DSCAM: variants seen among roughly 807,000 people sequenced by gnomAD.
DSCAM encodes DS cell adhesion molecule.
A neutral mutation model predicts 217.7 loss-of-function variants in DSCAM; 47 were observed. The ratio of observed to expected loss-of-function variants is 0.22; its 90% CI spans 0.17 to 0.28. DSCAM has a LOEUF of 0.28. Among genes scored for constraint, DSCAM ranks in the 10% least tolerant of loss-of-function variants. The pLI is 1.00. For synonymous variants in DSCAM, 1,056 were observed against 1,015.3 expected, an observed-to-expected ratio of 1.04 and a Z score of -0.76; for missense variants, 2,080 against 2,618.3, an observed-to-expected ratio of 0.79 and a Z score of 4.49.
chr21:40,533,745 C>A (rs1192035122), intron 3 of DSCAM, among the ~76,000 whole-genome samples: 2 of 143,782 alleles, frequency 1.4e-5, no homozygotes, highest in Admixed American at 1.4e-4. Flanking sequence ...ATCCATCCAT[C>A]CACCCATCCA....
chr21:40,619,843 GAAAAA>G (rs35632591), intron 3 of DSCAM, among the ~76,000 whole-genome samples: 1 of 129,796 alleles, frequency 7.7e-6, no homozygotes, highest in African/African-American at 2.8e-5. Context: ...AGCATGTAAA[GAAAAA>G]AAAAAAAGCT....
At chr21:40,060,464 G>C (rs1243107219) in intron 28 of DSCAM, among the ~76,000 whole-genome samples, 1 of 152,174 alleles carries the variant, frequency 6.6e-6, no homozygotes, top group African/African-American at 2.4e-5. Flanking sequence ...AGTAGATAGG[G>C]GAGGGGGCCA....
intron 1 of DSCAM, among the ~76,000 whole-genome samples, chr21:40,716,215 G>A (rs940868607): frequency 1.3e-5 from 2 of 152,102 alleles, no homozygotes; most frequent in South Asian, 4.1e-4. Flanking sequence ...ATGGCCACAG[G>A]CAAAAGAAAA....
chr21:40,577,498 G>C (rs1419126753), intron 3 of DSCAM, among the ~76,000 whole-genome samples: 4 of 152,132 alleles, frequency 2.6e-5, no homozygotes, highest in Non-Finnish European at 4.4e-5. Flanking sequence ...AGCCCGGAGC[G>C]AGACTGGCTC....
intron 3 of DSCAM, among the ~76,000 whole-genome samples, chr21:40,567,183 C>T (rs1362934372): frequency 6.6e-6 from 1 of 152,158 alleles, no homozygotes; most frequent in African/African-American, 2.4e-5. Context: ...AAACAATTGT[C>T]ATGGGCTCCA....
intron 3 of DSCAM, among the ~76,000 whole-genome samples, chr21:40,681,849 G>C (rs2090404339): frequency 6.6e-6 from 1 of 152,174 alleles, no homozygotes; most frequent in Non-Finnish European, 1.5e-5. Context: ...GGACTGGATG[G>C]AGTGAGACTT....
chr21:40,300,221 A>G (rs562041763), intron 9 of DSCAM, among the ~76,000 whole-genome samples: 6 of 152,228 alleles, frequency 3.9e-5, no homozygotes, highest in South Asian at 2.1e-4. Flanking sequence ...TCATTAGCTT[A>G]TATCACAGGT....
At chr21:40,125,881 C>G (rs552809924) in intron 19 of DSCAM, among the ~76,000 whole-genome samples, 2 of 152,170 alleles carry the variant, frequency 1.3e-5, no homozygotes, top group Admixed American at 1.3e-4. Context: ...GACACCCCAG[C>G]TTAGCCAACA....
chr21:40,846,557 A>ACCCCCCCG (rs2092146815), intron 1 of DSCAM, 62 bp downstream of exon 1: 2 of 78,404 alleles, frequency 2.6e-5, no homozygotes, highest in South Asian at 3.2e-4. Context: ...GCCACCCCCC[A>ACCCCCCCG]CCCCCCCGCC....
At chr21:40,634,109 A>C (rs2089725220) in intron 3 of DSCAM, among the ~76,000 whole-genome samples, 1 of 152,240 alleles carries the variant, frequency 6.6e-6, no homozygotes, top group South Asian at 2.1e-4. Flanking sequence ...TCAAAGACAC[A>C]ACATATAAGT....
At chr21:40,827,812 C>A (rs2123626079) in intron 1 of DSCAM, among the ~76,000 whole-genome samples, 1 of 152,294 alleles carries the variant, frequency 6.6e-6, no homozygotes, top group African/African-American at 2.4e-5. Context: ...TGATAAGAAG[C>A]ATGAGCAACA....
At chr21:40,260,100 T>C (rs2073430129) in intron 11 of DSCAM, among the ~76,000 whole-genome samples, 1 of 152,160 alleles carries the variant, frequency 6.6e-6, no homozygotes, top group African/African-American at 2.4e-5. Flanking sequence ...ATACTGATGA[T>C]TAAAGTCACA....
At chr21:40,305,465 C>T (rs532353410) in intron 9 of DSCAM, among the ~76,000 whole-genome samples, 9 of 150,070 alleles carry the variant, frequency 6.0e-5, no homozygotes, top group East Asian at 5.9e-4. Context: ...TTTGTCAATT[C>T]TGGCTTTTGT....
At chr21:40,511,828 A>T (rs1244565819) in intron 3 of DSCAM, among the ~76,000 whole-genome samples, 1 of 151,536 alleles carries the variant, frequency 6.6e-6, no homozygotes, top group African/African-American at 2.4e-5. Context: ...CGTCTCTATT[A>T]AAAATACAAA....
At chr21:40,188,825 C>T (rs1012051712) in intron 12 of DSCAM, among the ~76,000 whole-genome samples, 7 of 148,280 alleles carry the variant, frequency 4.7e-5, no homozygotes, top group Non-Finnish European at 8.9e-5. Flanking sequence ...TTCCCTGCTG[C>T]GTTCATAATA....
At chr21:40,221,872 AT>A (rs2091291884) in intron 11 of DSCAM, among the ~76,000 whole-genome samples, 4 of 152,196 alleles carry the variant, frequency 2.6e-5, no homozygotes, top group Admixed American at 2.0e-4. Context: ...CGTTTTTAAC[AT>A]TCTGTGTGAC....
chr21:40,078,269 T>G (rs1019279107), intron 26 of DSCAM, among the ~76,000 whole-genome samples: 2 of 152,210 alleles, frequency 1.3e-5, no homozygotes, highest in African/African-American at 4.8e-5. Context: ...AAATTGTTTT[T>G]GCACATGCAG....
chr21:40,582,186 T>G (rs1454210463), intron 3 of DSCAM, among the ~76,000 whole-genome samples: 2 of 152,200 alleles, frequency 1.3e-5, no homozygotes, highest in African/African-American at 4.8e-5. Context: ...CATCCATAAA[T>G]CAGTTCTTCT....
intron 3 of DSCAM, among the ~76,000 whole-genome samples, chr21:40,591,577 T>C (rs533868140): frequency 6.6e-6 from 1 of 152,318 alleles, no homozygotes; most frequent in Non-Finnish European, 1.5e-5. Context: ...TTGTGTGGAA[T>C]AGAAAGTGTC....
Sources: gnomAD v4.1 joint callset for allele counts (sites outside exome capture counted in the v4.1 genomes callset) on GRCh38, gnomAD v4.1.1 for gene constraint, MANE v1.5 for transcripts, NCBI Gene and HGNC (gene_info 2026-07-23, HGNC 2026-07-21) for gene names.